ERG: variants seen among roughly 807,000 people sequenced by gnomAD.
The protein encoded by ERG is transcriptional regulator ERG.
In ERG, 9 loss-of-function variants were observed where a neutral mutation model predicts 55.3. That is an observed-to-expected ratio of 0.16 (90% CI 0.10 to 0.28). ERG has a LOEUF of 0.28. Among genes scored for constraint, ERG ranks in the 10% least tolerant of loss-of-function variants. The probability of loss-of-function intolerance (pLI) is 1.00; values close to 1 mark genes in which losing one functional copy is unlikely to be tolerated. For missense variants in ERG, 434 were observed against 631.6 expected (o/e 0.69, Z 3.35); for synonymous variants, 223 against 237.3 (o/e 0.94, Z 0.55).
At chr21:38,630,588 C>T (rs1314697888) in intron 1 of ERG, among the ~76,000 whole-genome samples, 2 of 152,220 alleles carry the variant, frequency 1.3e-5, no homozygotes, top group African/African-American at 2.4e-5. Flanking sequence ...TTGCACATGG[C>T]TTCAAGGGAA....
At chr21:38,443,223 C>T (rs985130578) in intron 2 of ERG, among the ~76,000 whole-genome samples, 1 of 152,242 alleles carries the variant, frequency 6.6e-6, no homozygotes, top group Non-Finnish European at 1.5e-5. Context: ...CTTGCTGAAT[C>T]CAGACTGGCC....
chr21:38,393,755 G>C (rs1988081637), intron 6 of ERG, among the ~76,000 whole-genome samples: 1 of 152,154 alleles, frequency 6.6e-6, no homozygotes, highest in Non-Finnish European at 1.5e-5. Flanking sequence ...TAATGTATTT[G>C]GTCTGTTTGG....
At chr21:38,613,013 G>T (rs35071751) in intron 1 of ERG, among the ~76,000 whole-genome samples, 7,358 of 152,238 alleles carry the variant, frequency 0.048, 557 homozygotes, top group African/African-American at 0.17. Context: ...TTAACGATCT[G>T]TAGATGTATA....
intron 2 of ERG, among the ~76,000 whole-genome samples, chr21:38,574,042 T>G (rs1288092747): frequency 6.6e-6 from 1 of 152,250 alleles, no homozygotes; most frequent in Non-Finnish European, 1.5e-5. Context: ...ACTTTCTTGC[T>G]GACTTCATCA....
intron 1 of ERG, among the ~76,000 whole-genome samples, chr21:38,451,496 T>C (rs1243281051): frequency 7.2e-5 from 11 of 152,210 alleles, no homozygotes; most frequent in African/African-American, 2.4e-4. Context: ...GAGTACCATT[T>C]ATAAATATGC....
At chr21:38,444,674 C>T (rs2058872537) in intron 2 of ERG, among the ~76,000 whole-genome samples, 3 of 148,864 alleles carry the variant, frequency 2.0e-5, no homozygotes, top group Non-Finnish European at 4.4e-5. Context: ...CTCAGGGAAG[C>T]TAATAATTAT....
chr21:38,489,942 G>A (rs376792593), intron 1 of ERG, among the ~76,000 whole-genome samples: 2 of 152,192 alleles, frequency 1.3e-5, no homozygotes, highest in East Asian at 1.9e-4. Flanking sequence ...GGTGGATAGC[G>A]ATTGCAATGA....
Position 38,541,899 on chromosome 21 carries a change from T to G in ERG, c.-41+33763A>C, listed in dbSNP as rs560319293. The stretch of plus-strand genomic sequence containing the variant: ...AACAAACCTGCACATCCGGCACATA[T>G]ATCCTGGAACGTAAAATTAAATTAA... On this transcript the variant is annotated intron_variant, in intron 2 of 8. Transcript: ENST00000398897. Among the ~76,000 whole-genome samples, 41 of 128,620 alleles carry G rather than the reference T, an allele frequency of 3.2e-4. 1 individual carries two copies. The South Asian group carries it at 0.01, about 32-fold the overall frequency. 84.4% of individuals were successfully genotyped at this position (128,620 alleles called of 152,430 possible).
rs1203426108 is a variant in ERG at position 38,382,116 on chromosome 21, TAC to T, written c.*1285_*1286del. The T allele has an allele frequency of 9.5e-6, 10 of 1,054,544 alleles. No individual in the cohort carries two copies. The highest frequency in any genetic ancestry group is 1.7e-5 in the African/African-American group (1 of 60,412). 65.3% of individuals were successfully genotyped at this position (1,054,544 alleles called of 1,614,324 possible). A position where few individuals can be genotyped will look rare whatever the true frequency, so the allele number is the denominator to read the frequency against. ...AACTTCATATTGTAAACATTAAGCA[TAC>T]AGAGTTAAAATTCAAGGCCACATTA... On this transcript the variant is annotated 3_prime_UTR_variant, in exon 10 of 10. Coordinates refer to ENST00000288319, the MANE Select transcript of ERG (RefSeq NM_182918.4).
At chr21:38,391,373 T>C (rs567323080) in intron 8 of ERG, among the ~76,000 whole-genome samples, 56 of 152,164 alleles carry the variant, frequency 3.7e-4, no homozygotes, top group African/African-American at 1.3e-3. Flanking sequence ...CTGTGTTGTT[T>C]AGGCATGGAA....
At chr21:38,493,948 T>C (rs2059358987) in intron 1 of ERG, among the ~76,000 whole-genome samples, 1 of 152,154 alleles carries the variant, frequency 6.6e-6, no homozygotes, top group Admixed American at 6.5e-5. Flanking sequence ...GTGCAGAGCC[T>C]GAAAGACAAT....
At chr21:38,640,812 G>T (rs899954409) in intron 1 of ERG, among the ~76,000 whole-genome samples, 1 of 152,198 alleles carries the variant, frequency 6.6e-6, no homozygotes, top group Non-Finnish European at 1.5e-5. Context: ...TATCAACAAG[G>T]AGGTAAATGA....
At chr21:38,624,681 C>T (rs1193339400) in intron 1 of ERG, among the ~76,000 whole-genome samples, 2 of 152,162 alleles carry the variant, frequency 1.3e-5, no homozygotes, top group Non-Finnish European at 2.9e-5. Flanking sequence ...ACCTTGGACA[C>T]TTAACCTTCC....
intron 2 of ERG, chr21:38,575,581 A>G (rs1205067460): frequency 2.0e-6 from 2 of 1,010,282 alleles, no homozygotes; most frequent in East Asian, 4.7e-5. Context: ...ACCCCTAATT[A>G]ACTGATATGT....
chr21:38,370,493 C>A, the ERG span, among the ~76,000 whole-genome samples: 2 of 151,782 alleles, frequency 1.3e-5, no homozygotes, highest in African/African-American at 2.4e-5. Context: ...TTTATAAAAC[C>A]GTTTTGCACC....
chr21:38,661,590 G>A (rs552567038), intron 1 of ERG: 14 of 152,392 alleles, frequency 9.2e-5, no homozygotes, highest in Admixed American at 7.8e-4. Context: ...CGCCTCCGGG[G>A]CTCGGGGCTA....
chr21:38,556,659 C>T (rs780235210), intron 2 of ERG, among the ~76,000 whole-genome samples: 9 of 152,198 alleles, frequency 5.9e-5, no homozygotes, highest in Non-Finnish European at 1.2e-4. Context: ...GGAAACAGGT[C>T]TACATGCAAT....
At chr21:38,527,070 C>T (rs756930299) in intron 2 of ERG, among the ~76,000 whole-genome samples, 21 of 152,268 alleles carry the variant, frequency 1.4e-4, no homozygotes, top group Non-Finnish European at 2.6e-4. Flanking sequence ...TTTTCCACGA[C>T]GCATACTGAG....
chr21:38,598,299 C>G (rs945646287), intron 1 of ERG, among the ~76,000 whole-genome samples: 3 of 152,212 alleles, frequency 2.0e-5, no homozygotes, highest in African/African-American at 7.2e-5. Context: ...CTGGAGTCAG[C>G]AGCCGGACTA....
Sources: allele counts gnomAD v4.1 joint callset (sites outside exome capture counted in the v4.1 genomes callset), GRCh38; gene constraint gnomAD v4.1.1; transcripts MANE v1.5; gene names NCBI Gene and HGNC (gene_info 2026-07-23, HGNC 2026-07-21).